Variants in JAML observed in about 807,000 individuals in gnomAD.
JAML encodes junction adhesion molecule like.
JAML carries 25 observed loss-of-function variants against 39.3 expected under a neutral mutation model. The observed-to-expected ratio is 0.64, with a 90% CI of 0.46 to 0.89. The LOEUF is 0.89. Among genes scored for constraint, JAML ranks in the 40% least tolerant of loss-of-function variants. The pLI is 0.00. For synonymous variants in JAML, 162 were observed against 179.2 expected (o/e 0.90, Z 0.77); for missense variants, 440 against 486.9 (o/e 0.90, Z 0.91).
At chr11:118,221,137 A>G (rs1949205887) in intron 1 of JAML, among the ~76,000 whole-genome samples, 1 of 152,250 alleles carries the variant, frequency 6.6e-6, no homozygotes, top group Admixed American at 6.5e-5. Flanking sequence ...TTTTAGATTC[A>G]GTCACCATTG....
At chr11:118,216,327 C>A (rs1005602745) in intron 1 of JAML, among the ~76,000 whole-genome samples, 2 of 151,496 alleles carry the variant, frequency 1.3e-5, no homozygotes, top group African/African-American at 4.9e-5. Context: ...CGAGATCACG[C>A]CACTGCACTC....
At chr11:118,203,764 G>A (rs1737178252) in intron 5 of JAML, 99 bp from the exon 6 acceptor site, 1 of 951,836 alleles carries the variant, frequency 1.1e-6, no homozygotes, top group African/African-American at 1.6e-5. Context: ...CCAAGGCCCT[G>A]CTAGGTGAAG....
At chr11:118,199,663 G>T (rs935278821) in intron 7 of JAML, among the ~76,000 whole-genome samples, 9 of 151,064 alleles carry the variant, frequency 6.0e-5, no homozygotes, top group African/African-American at 2.2e-4. Context: ...ATGAAATTCA[G>T]GCCTTTAAAA....
chr11:118,212,450 A>T lies in JAML; in HGVS notation c.155T>A (p.Ile52Lys). The stretch of plus-strand genomic sequence containing the variant: ...TGACAGAGTCCAGTCTATCTTGAAT[A>T]TACATTTGTCTTCTGTGCTCTGGAA... ...CVFQSTEDKCIFKIDWTLSPG... is the reference protein window; with the variant it reads ...CVFQSTEDKCKFKIDWTLSPG... The change falls in exon 3 of 10, where the codon ATA (isoleucine) becomes AAA (lysine). Residue 52 changes from isoleucine (I) to lysine (K), a missense_variant. Physicochemically the swap from Ile to Lys is moderately radical, Grantham distance 102 (BLOSUM62 -3). Transcript: ENST00000356289. The T allele has an allele frequency of 6.2e-7, 1 of 1,614,180 alleles. No individual in the cohort carries two copies. Among genetic ancestry groups the T allele is most frequent in the Non-Finnish European group, 8.5e-7 (1 of 1,180,024 alleles).
In JAML at chr11:118,212,494, T is replaced by A. The variant is rs944210495; in HGVS notation, c.111A>T (p.Ser37=). Residue 37 remains serine, a synonymous_variant, in exon 3 of 10, where the codon TCA becomes TCT. Coordinates refer to ENST00000356289, the MANE Select transcript of JAML (RefSeq NM_001098526.2). ...PPELTVHVGD[S]ALMGCVFQST... ...TCTGGAAAACACATCCCATCAGAGC[T>A]GAATCACCCACATGGACTGTTAGCT... 3.3e-5 allele frequency: 53 copies of A among 1,614,066 alleles called. No homozygotes were observed. The highest frequency in any genetic ancestry group is 4.3e-5 in the Non-Finnish European group (51 of 1,180,030).
chr11:118,220,254 G>A (rs538632074), intron 1 of JAML, among the ~76,000 whole-genome samples: 4 of 152,242 alleles, frequency 2.6e-5, no homozygotes, highest in South Asian at 2.1e-4. Flanking sequence ...TACCTGAACC[G>A]ATTATCCGGT....
chr11:118,213,223 C>T (rs1949095458), intron 2 of JAML: 18 of 1,286,006 alleles, frequency 1.4e-5, no homozygotes, highest in South Asian at 4.4e-5. Flanking sequence ...CAAGCAATTT[C>T]GAGCGGTCAC....
In JAML at chr11:118,212,575, A is replaced by G. The variant is rs188563965; in HGVS notation, c.44-14T>C. 1.5e-4 allele frequency: 235 copies of G among 1,613,068 alleles called. No homozygotes were observed. Among genetic ancestry groups the G allele is most frequent in the African/African-American group, 1.2e-3 (90 of 75,056 alleles). On this transcript the variant is annotated splice_polypyrimidine_tract_variant and intron_variant, in intron 2 of 9. Coordinates refer to ENST00000356289, the MANE Select transcript of JAML (RefSeq NM_001098526.2). ...CCAAGGAATAATCTATAGAAGTCAAAGGCAAGAGGACACATCATTTAGACA... is the reference window on the plus strand; with the variant it reads ...CCAAGGAATAATCTATAGAAGTCAAGGGCAAGAGGACACATCATTTAGACA...
intron 6 of JAML, 73 bp downstream of exon 6, chr11:118,203,355 G>A (rs1253576989): frequency 2.8e-5 from 39 of 1,380,206 alleles, no homozygotes; most frequent in East Asian, 6.9e-5. Flanking sequence ...GAACCTCTCC[G>A]GCCTCACTCT....
chr11:118,209,101 C>T (rs1363730502), intron 4 of JAML: 1 of 292,232 alleles, frequency 3.4e-6, no homozygotes, highest in Admixed American at 3.3e-5. Flanking sequence ...CCCAATACAA[C>T]AGCTTCTACA....
intron 2 of JAML, 30 bp from the exon 3 acceptor site, chr11:118,212,591 C>T (rs1223132884): frequency 6.2e-7 from 1 of 1,610,102 alleles, no homozygotes; most frequent in South Asian, 1.1e-5. Context: ...GAGGACACAT[C>T]ATTTAGACAA....
At chr11:118,208,061 T>C (rs970864035) in intron 4 of JAML, among the ~76,000 whole-genome samples, 5 of 151,604 alleles carry the variant, frequency 3.3e-5, no homozygotes, top group African/African-American at 1.2e-4. Flanking sequence ...GGAAACCCCA[T>C]CTCTACTTAA....
At chr11:118,220,601 C>T (rs1311900824) in intron 1 of JAML, among the ~76,000 whole-genome samples, 1 of 152,204 alleles carries the variant, frequency 6.6e-6, no homozygotes, top group Non-Finnish European at 1.5e-5. Flanking sequence ...ACTTGGCCTC[C>T]TCGATCTTTT....
chr11:118,198,107 A>G lies in JAML; in HGVS notation c.912-16T>C, dbSNP rs1403683178. The G allele has an allele frequency of 1.2e-6, 2 of 1,608,452 alleles. No individual in the cohort carries two copies. The highest frequency in any genetic ancestry group is 1.7e-6 in the Non-Finnish European group (2 of 1,175,130). ...ATTCACTGAACTGCAAGACATGAAA[A>G]GCATGTGGAATTAACCAGCGGGCAT... On this transcript the variant is annotated splice_polypyrimidine_tract_variant and intron_variant, in intron 7 of 9. Coordinates refer to ENST00000356289, the MANE Select transcript of JAML (RefSeq NM_001098526.2).
In JAML at chr11:118,212,569, A is replaced by C; in HGVS notation, c.44-8T>G. 6.2e-7 allele frequency: 1 copy of C among 1,613,552 alleles called. No homozygotes were observed. The highest frequency in any genetic ancestry group is 1.3e-5 in the African/African-American group (1 of 75,052). On this transcript the variant is annotated splice_polypyrimidine_tract_variant and splice_region_variant and intron_variant, in intron 2 of 9. Transcript: ENST00000356289. ...TCAGGCCCAAGGAATAATCTATAGAAGTCAAAGGCAAGAGGACACATCATT... is the reference window on the plus strand; with the variant it reads ...TCAGGCCCAAGGAATAATCTATAGACGTCAAAGGCAAGAGGACACATCATT...
chr11:118,203,755 C>T (rs1193833866), intron 5 of JAML, 90 bp from the exon 6 acceptor site: 2 of 1,059,168 alleles, frequency 1.9e-6, no homozygotes, highest in South Asian at 2.6e-5. Context: ...CTCAGGACTC[C>T]AAGGCCCTGC....
chr11:118,218,740 T>C (rs1949175350), intron 1 of JAML, among the ~76,000 whole-genome samples: 1 of 152,224 alleles, frequency 6.6e-6, no homozygotes, highest in African/African-American at 2.4e-5. Context: ...GAATTTTATA[T>C]ATACATATTT....
rs1013181319 is a variant in JAML, at chr11:118,222,654, G to T, written c.-21+2287C>A. ...CTAATGATTTTTAAACATAAAGACAGTGTAAATAACATAAAAAATAAAGAC... is the reference window on the plus strand; with the variant it reads ...CTAATGATTTTTAAACATAAAGACATTGTAAATAACATAAAAAATAAAGAC... On this transcript the variant is annotated intron_variant, in intron 1 of 9. Transcript: ENST00000356289. The surrounding 1 kb of genome is among the most constrained non-coding windows in gnomAD (Gnocchi z 4.2). Among the ~76,000 whole-genome samples the T allele has an allele frequency of 1.3e-5, 2 of 152,162 alleles. No homozygotes were observed. Among genetic ancestry groups the T allele is most frequent in the Admixed American group, 1.3e-4 (2 of 15,270 alleles).
chr11:118,214,739 C>A (rs1565484204), intron 2 of JAML, 85 bp downstream of exon 2: 8 of 1,414,770 alleles, frequency 5.7e-6, no homozygotes, highest in Non-Finnish European at 6.9e-6. Flanking sequence ...CCAAGGGAAT[C>A]GAAAATATGT....
Sources: gnomAD v4.1 joint callset for allele counts (sites outside exome capture counted in the v4.1 genomes callset) on GRCh38, gnomAD v4.1.1 for gene constraint, Gnocchi (gnomAD v3.1) non-coding constraint, MANE v1.5 for transcripts, NCBI Gene and HGNC (gene_info 2026-07-23, HGNC 2026-07-21) for gene names.